RYR1: variants seen among roughly 807,000 people sequenced by gnomAD.
RYR1 encodes the protein ryanodine receptor 1.
In RYR1, 342 loss-of-function variants were observed where a neutral mutation model predicts 583.5. That is an observed-to-expected ratio of 0.59 (90% CI 0.54 to 0.64). The LOEUF (loss-of-function observed/expected upper bound fraction) is 0.64, where lower values mean the gene tolerates loss of function less well. Ranked by LOEUF, RYR1 falls within the 30% of genes least tolerant of loss-of-function variation. The probability of loss-of-function intolerance (pLI) is 0.00; values close to 1 mark genes in which losing one functional copy is unlikely to be tolerated. For missense variants in RYR1, 6,032 were observed against 6,917.2 expected (o/e 0.87, Z 4.54); for synonymous variants, 2,791 against 2,822.5 (o/e 0.99, Z 0.35).
chr19:38,485,784 A>G lies in RYR1; in HGVS notation c.5129A>G (p.Tyr1710Cys). The stretch of plus-strand genomic sequence containing the variant: ...CTGCCAGGCCCACTGCGCGCAGGCT[A>G]CTATGACCTCCTCATCAGCATCCAC... ...AHLPGPLRAG[Y>C]YDLLISIHLE... The change falls in exon 34 of 106, where the codon TAC becomes TGC. Residue 1710 changes from tyrosine to cysteine, a missense_variant. Tyr to Cys is a radical substitution (Grantham distance 194, BLOSUM62 -2). Coordinates refer to ENST00000359596, the MANE Select transcript of RYR1 (RefSeq NM_000540.3). The G allele has an allele frequency of 1.9e-6, 3 of 1,613,328 alleles. No homozygotes were observed. The highest frequency in any genetic ancestry group is 2.5e-6 in the Non-Finnish European group (3 of 1,179,960).
In RYR1 at chr19:38,533,029, GA is replaced by G. The variant is rs147090810; in HGVS notation, c.11259+294del. ...GAGGGGTCAGGGTTGGGATGATGGG[GA>G]TACAGGCAGAGGGGTCAGGGCCAAG... On this transcript the variant is annotated intron_variant, in intron 78 of 105. Coordinates refer to ENST00000359596, the MANE Select transcript of RYR1 (RefSeq NM_000540.3). 0.051 allele frequency among the ~76,000 whole-genome samples: 7,719 copies of G among 151,262 alleles called. 247 individuals are homozygous for G. The highest frequency in any genetic ancestry group is 0.065 in the Middle Eastern group (19 of 294).
At chr19:38,545,439 TG>T (rs1385462922) in intron 87 of RYR1, among the ~76,000 whole-genome samples, 1 of 152,214 alleles carries the variant, frequency 6.6e-6, no homozygotes, top group Non-Finnish European at 1.5e-5. Flanking sequence ...AGAACTAGCA[TG>T]GGAGCAAAAG....
rs200979691 is a variant in RYR1 at position 38,483,442 on chromosome 19, C to T, written c.4860C>T (p.Gly1620=). Residue 1620 remains glycine (G), a synonymous_variant, in exon 33 of 106, where the codon GGC becomes GGT. Transcript: ENST00000359596. The surrounding 1 kb of genome is among the most constrained non-coding windows in gnomAD (Gnocchi z 6.3). ...HFLQVETRRA[G]ERLGWAVQCQ... The stretch of plus-strand genomic sequence containing the variant: ...TGCAGGTGGAGACGAGGCGTGCCGG[C>T]GAGCGGCTGGGCTGGGCCGTGCAGT... 23 of 1,574,356 alleles carry T rather than the reference C, an allele frequency of 1.5e-5. No individual in the cohort carries two copies. Among genetic ancestry groups the T allele is most frequent in the Middle Eastern group, 2.3e-4 (1 of 4,430 alleles).
rs750158647 is a variant in RYR1, at chr19:38,543,743, C to G, written c.11908-28C>G. The G allele has an allele frequency of 3.7e-6, 6 of 1,610,606 alleles. No homozygotes were observed. In the Admixed American group the frequency reaches 6.7e-5, roughly 18 times the overall value. On this transcript the variant is annotated intron_variant, in intron 86 of 105. Transcript: ENST00000359596. The surrounding 1 kb of genome is among the most constrained non-coding windows in gnomAD (Gnocchi z 4.4). ...CTGATCCCTTCTCGGGGATTCCCTT[C>G]CCCCCCACACGGCACTCTGCCTCCC...
chr19:38,486,310 C>G, intron 34 of RYR1, 108 bp downstream of exon 34: 1 of 1,329,342 alleles, frequency 7.5e-7, no homozygotes, highest in Non-Finnish European at 1.1e-6. Flanking sequence ...ACCACCCATT[C>G]ATTCCCTCCT....
In RYR1 at chr19:38,485,584, C is replaced by T; in HGVS notation, c.4935-6C>T. On this transcript the variant is annotated splice_region_variant and splice_polypyrimidine_tract_variant and intron_variant, in intron 33 of 105. Transcript: ENST00000359596. ...TGTCCCTGTCTGTTTCCCACCTCTG[C>T]TGCAGGTGCATGGACATCCTGGAGC... 1 of 1,608,224 alleles carries T rather than the reference C, an allele frequency of 6.2e-7. No individual in the cohort carries two copies. Among genetic ancestry groups the T allele is most frequent in the African/African-American group, 1.3e-5 (1 of 75,008 alleles).
chr19:38,469,998 A>G (rs1968334073), intron 27 of RYR1, among the ~76,000 whole-genome samples: 1 of 152,038 alleles, frequency 6.6e-6, no homozygotes, highest in South Asian at 2.1e-4. Flanking sequence ...TGATTCCAAG[A>G]GGTCAAGACT....
intron 84 of RYR1, 59 bp downstream of exon 84, chr19:38,538,019 G>A: frequency 1.3e-6 from 2 of 1,543,994 alleles, no homozygotes; most frequent in Non-Finnish European, 8.9e-7. Context: ...GTACGGAAGG[G>A]TTGACTGAAT....
At chr19:38,459,071 T>C (rs1283897695) in intron 18 of RYR1, 75 bp from the exon 19 acceptor site, 31 of 1,323,356 alleles carry the variant, frequency 2.3e-5, no homozygotes, top group Admixed American at 3.4e-5. Context: ...GCCTCCAATA[T>C]CTGTCCCTTT....
In RYR1 at chr19:38,516,322, G is replaced by A. The variant is rs1023096241; in HGVS notation, c.9685+105G>A. ...GTAGTGTGGCTGGGCTGGGCTGTGA[G>A]CGGCTGAGGATTCCCCAGGTTGGGA... On this transcript the variant is annotated intron_variant, in intron 65 of 105. Coordinates refer to ENST00000359596, the MANE Select transcript of RYR1 (RefSeq NM_000540.3). The A allele has an allele frequency of 2.9e-6, 4 of 1,387,520 alleles. No individual in the cohort carries two copies. The African/African-American group carries it at 5.7e-5, about 20-fold the overall frequency. The allele number at this position is 1,387,520 out of a possible 1,614,324, so 86.0% of individuals were successfully genotyped here. A position where few individuals can be genotyped will look rare whatever the true frequency, so the allele number is the denominator to read the frequency against.
In RYR1 at chr19:38,525,371, C is replaced by CG. The variant is rs1568537774; in HGVS notation, c.10501dup (p.Asp3501GlyfsTer47). The CG allele has an allele frequency of 6.2e-7, 1 of 1,613,920 alleles. No individual in the cohort carries two copies. ...CCAGGAACGCACCAAGAAGAAGCGC[C>CG]GGGGGGACCGGTACTCTGTGCAGAC... is the stretch of plus-strand genomic sequence containing the variant. On this transcript the variant is annotated frameshift_variant, in exon 71 of 106. Coordinates refer to ENST00000359596, the MANE Select transcript of RYR1 (RefSeq NM_000540.3). LOFTEE classifies it high-confidence loss of function.
chr19:38,481,152 G>A (rs192509210), intron 31 of RYR1, among the ~76,000 whole-genome samples: 3 of 151,284 alleles, frequency 2.0e-5, no homozygotes, highest in African/African-American at 7.3e-5. Context: ...ATTAAGACAG[G>A]GTCTCATTCT....
chr19:38,565,561 CGAGGGCGCTGGAGACGCCGCG>C lies in RYR1; in HGVS notation c.13244_13264del (p.Ala4415_Asp4421del), dbSNP rs763413580. On this transcript the variant is annotated inframe_deletion, in exon 91 of 106. Coordinates refer to ENST00000359596, the MANE Select transcript of RYR1 (RefSeq NM_000540.3). This position sits in a 1 kb window ranked among gnomAD's most constrained non-coding sequence, Gnocchi z 4.7. Reference sequence around the variant, plus strand: ...GAGACGCAGACGGCGAGGGTGCCAGCGAGGGCGCTGGAGACGCCGCGGAGGGCGCTGGAGACGAGGAGGAGG... The same window carrying C: ...GAGACGCAGACGGCGAGGGTGCCAGCGAGGGCGCTGGAGACGAGGAGGAGG... The C allele has an allele frequency of 1.1e-4, 169 of 1,483,462 alleles. No homozygotes were observed. Among genetic ancestry groups the C allele is most frequent in the East Asian group, 9.2e-4 (32 of 34,794 alleles). 91.9% of individuals were successfully genotyped at this position (1,483,462 alleles called of 1,614,324 possible).
At chr19:38,523,481 TC>T in intron 69 of RYR1, 172 bp downstream of exon 69, 1 of 682,898 alleles carries the variant, frequency 1.5e-6, no homozygotes, top group Non-Finnish European at 2.6e-6. Flanking sequence ...AGCTCCTTCC[TC>T]CTCCTGTATC....
At chr19:38,545,441 G>A (rs1377500198) in intron 87 of RYR1, among the ~76,000 whole-genome samples, 1 of 152,162 alleles carries the variant, frequency 6.6e-6, no homozygotes, top group Non-Finnish European at 1.5e-5. Flanking sequence ...AACTAGCATG[G>A]GAGCAAAAGA....
At chr19:38,478,266 G>A (rs954284516) in intron 30 of RYR1, among the ~76,000 whole-genome samples, 169 bp from the exon 31 acceptor site, 2 of 151,972 alleles carry the variant, frequency 1.3e-5, no homozygotes, top group East Asian at 3.9e-4. Context: ...TCCCAGCTCC[G>A]AAGAGCTCAG....
At chr19:38,511,930 C>CT (rs1292691548) in intron 61 of RYR1, 142 bp from the exon 62 acceptor site, 2 of 1,009,636 alleles carry the variant, frequency 2.0e-6, no homozygotes, top group Non-Finnish European at 3.0e-6. Flanking sequence ...CTGTAGGAGT[C>CT]TGGGGGGGTG....
chr19:38,523,355 GC>G (rs1971309472), intron 69 of RYR1, 46 bp downstream of exon 69: 4 of 1,610,218 alleles, frequency 2.5e-6, no homozygotes, highest in Non-Finnish European at 3.4e-6. Flanking sequence ...GAGGGCGGGA[GC>G]ACCCTCTAGG....
intron 22 of RYR1, 23 bp from the exon 23 acceptor site, chr19:38,464,616 C>A: frequency 6.4e-7 from 1 of 1,558,094 alleles, no homozygotes; most frequent in South Asian, 1.2e-5. Flanking sequence ...CGTGACCTGT[C>A]GCCTCCACTC....
Sources: allele counts gnomAD v4.1 joint callset (sites outside exome capture counted in the v4.1 genomes callset), GRCh38; gene constraint gnomAD v4.1.1; non-coding constraint Gnocchi (gnomAD v3.1); transcripts MANE v1.5; gene names NCBI Gene and HGNC (gene_info 2026-07-23, HGNC 2026-07-21).